FAM227A: variants seen among roughly 807,000 people sequenced by gnomAD.
FAM227A encodes the protein family with sequence similarity 227 member A.
FAM227A carries 80 observed loss-of-function variants against 74.7 expected under a neutral mutation model. That is an observed-to-expected ratio of 1.07 (90% CI 0.89 to 1.29). The LOEUF is 1.29. Among genes scored for constraint, FAM227A ranks in the 50% most tolerant of loss-of-function variants. The pLI is 0.00. For missense variants in FAM227A, 654 were observed against 683.4 expected, an observed-to-expected ratio of 0.96 and a Z score of 0.48; for synonymous variants, 237 against 241.8, an observed-to-expected ratio of 0.98 and a Z score of 0.19.
intron 2 of FAM227A, among the ~76,000 whole-genome samples, chr22:38,649,060 C>A (rs2092286025): frequency 6.6e-6 from 1 of 151,980 alleles, no homozygotes. Flanking sequence ...CTATCAATAA[C>A]ATCTATAATT....
intron 13 of FAM227A, among the ~76,000 whole-genome samples, chr22:38,604,819 T>C (rs2091251071): frequency 1.3e-5 from 2 of 151,890 alleles, no homozygotes; most frequent in South Asian, 4.2e-4. Context: ...GCCCAGCTAA[T>C]TTTTGTATTT....
At chr22:38,649,296 G>A (rs1178298020) in intron 2 of FAM227A, among the ~76,000 whole-genome samples, 2 of 152,160 alleles carry the variant, frequency 1.3e-5, no homozygotes, top group East Asian at 3.9e-4. Flanking sequence ...CAGATGCGGT[G>A]GCTCATGCCT....
intron 11 of FAM227A, among the ~76,000 whole-genome samples, chr22:38,612,408 T>TC (rs1318368992): frequency 2.6e-5 from 4 of 152,204 alleles, no homozygotes; most frequent in Non-Finnish European, 5.9e-5. Context: ...CTCTTTTTTT[T>TC]CGCCTCAGGG....
At chr22:38,654,168 G>A (rs1177072584) in intron 1 of FAM227A, among the ~76,000 whole-genome samples, 7 of 151,860 alleles carry the variant, frequency 4.6e-5, no homozygotes, top group African/African-American at 1.7e-4. Flanking sequence ...CTAACACGGT[G>A]AAACCCCGTC....
chr22:38,590,196 C>T (rs1370675028), intron 16 of FAM227A, among the ~76,000 whole-genome samples: 13 of 148,632 alleles, frequency 8.7e-5, no homozygotes, highest in African/African-American at 3.2e-4. Context: ...AGGAGAACTG[C>T]TTAGACCCAG....
chr22:38,599,953 A>T (rs1449592767), intron 13 of FAM227A, 32 bp from the exon 14 acceptor site: 2 of 1,515,372 alleles, frequency 1.3e-6, no homozygotes, highest in Admixed American at 4.5e-5. Context: ...AAAATAAAGG[A>T]TATTGTCATT....
intron 3 of FAM227A, among the ~76,000 whole-genome samples, chr22:38,642,420 C>T (rs1164373180): frequency 6.6e-6 from 1 of 152,112 alleles, no homozygotes; most frequent in African/African-American, 2.4e-5. Context: ...AACTATAAAA[C>T]CCCTAGAAGA....
intron 3 of FAM227A, among the ~76,000 whole-genome samples, chr22:38,643,172 C>T (rs368564602): frequency 6.6e-6 from 1 of 151,002 alleles, no homozygotes; most frequent in African/African-American, 2.4e-5. Flanking sequence ...AAAAATGAGA[C>T]GGGAGTGGTG....
At chr22:38,608,378 G>A (rs1255913261) in intron 11 of FAM227A, among the ~76,000 whole-genome samples, 1 of 151,810 alleles carries the variant, frequency 6.6e-6, no homozygotes, top group Non-Finnish European at 1.5e-5. Flanking sequence ...TCTGAAGGCG[G>A]GCAAGCCTGG....
chr22:38,635,188 T>C (rs771870631), intron 6 of FAM227A, among the ~76,000 whole-genome samples: 2 of 139,366 alleles, frequency 1.4e-5, no homozygotes, highest in Non-Finnish European at 3.0e-5. Context: ...ATCGCGCCAC[T>C]GCACTCTGTC....
intron 15 of FAM227A, among the ~76,000 whole-genome samples, chr22:38,594,333 T>G (rs1039108338): frequency 6.6e-6 from 1 of 152,080 alleles, no homozygotes; most frequent in Admixed American, 6.6e-5. Context: ...GAATATTCTG[T>G]CCTCCCTGAC....
chr22:38,613,068 T>C, intron 11 of FAM227A, among the ~76,000 whole-genome samples: 1 of 101,648 alleles, frequency 9.8e-6, no homozygotes, highest in Non-Finnish European at 1.8e-5. Context: ...TATATGTAAA[T>C]ATATTATATA....
At chr22:38,608,396 T>C (rs1243308863) in intron 11 of FAM227A, among the ~76,000 whole-genome samples, 1 of 152,030 alleles carries the variant, frequency 6.6e-6, no homozygotes, top group Non-Finnish European at 1.5e-5. Context: ...TGGGTTCATA[T>C]GGTGTTTCTA....
intron 5 of FAM227A, among the ~76,000 whole-genome samples, chr22:38,637,496 G>T (rs937557928): frequency 1.3e-5 from 2 of 152,200 alleles, no homozygotes; most frequent in Non-Finnish European, 2.9e-5. Context: ...GTAAAAATAT[G>T]GAAAATAGGA....
At chr22:38,631,612 C>T (rs923615771) in intron 6 of FAM227A, among the ~76,000 whole-genome samples, 7 of 152,076 alleles carry the variant, frequency 4.6e-5, no homozygotes, top group Admixed American at 3.3e-4. Flanking sequence ...AAAGCGTGTG[C>T]AGAGGCTATG....
chr22:38,613,792 C>T (rs1422349252), intron 11 of FAM227A, among the ~76,000 whole-genome samples: 1 of 152,116 alleles, frequency 6.6e-6, no homozygotes, highest in Non-Finnish European at 1.5e-5. Flanking sequence ...TTAACGCCCA[C>T]ATTGTGACTG....
chr22:38,628,824 T>G lies in FAM227A; in HGVS notation c.621+10A>C. On this transcript the variant is annotated intron_variant, in intron 7 of 16. Transcript: ENST00000535113. ...AAGCAAGGCAGAGAAACAAGCAGATTTGTATTTACCTGGTACCTCTCATGA... is the reference window on the plus strand; with the variant it reads ...AAGCAAGGCAGAGAAACAAGCAGATGTGTATTTACCTGGTACCTCTCATGA... 1 of 1,437,264 alleles carries G rather than the reference T, an allele frequency of 7.0e-7. No homozygotes were observed. The highest frequency in any genetic ancestry group is 1.7e-4 in the Middle Eastern group (1 of 5,766). The allele number at this position is 1,437,264 out of a possible 1,614,324, so 89.0% of individuals were successfully genotyped here.
At chr22:38,646,771 A>C (rs1162384691) in intron 2 of FAM227A, among the ~76,000 whole-genome samples, 2 of 152,094 alleles carry the variant, frequency 1.3e-5, no homozygotes, top group Admixed American at 1.3e-4. Context: ...ATGACATTAT[A>C]CTAATCCATG....
chr22:38,600,156 G>A (rs2091140854), intron 13 of FAM227A, among the ~76,000 whole-genome samples: 1 of 151,836 alleles, frequency 6.6e-6, no homozygotes, highest in Admixed American at 6.6e-5. Context: ...TGTTCAAGAA[G>A]ACATTGATCT....
Sources: allele counts gnomAD v4.1 joint callset (sites outside exome capture counted in the v4.1 genomes callset), GRCh38; gene constraint gnomAD v4.1.1; transcripts MANE v1.5; gene names NCBI Gene and HGNC (gene_info 2026-07-23, HGNC 2026-07-21).